DOCK8: variants seen among roughly 807,000 people sequenced by gnomAD.
DOCK8 encodes dedicator of cytokinesis 8.
Under a neutral mutation model 245.6 loss-of-function variants are expected in DOCK8, and 141 were observed. The ratio of observed to expected loss-of-function variants is 0.57; its 90% CI spans 0.50 to 0.66. The LOEUF (loss-of-function observed/expected upper bound fraction) is 0.66, where lower values mean the gene tolerates loss of function less well. Among genes scored for constraint, DOCK8 ranks in the 30% least tolerant of loss-of-function variants. DOCK8 has a pLI of 0.00. For missense variants in DOCK8, 2,965 were observed against 2,603.4 expected, an observed-to-expected ratio of 1.14 and a Z score of -3.02; for synonymous variants, 1,168 against 970.2, an observed-to-expected ratio of 1.20 and a Z score of -3.79.
In DOCK8 at chr9:434,769, C is replaced by T. The variant is rs533117278; in HGVS notation, c.4887-14C>T. On this transcript the variant is annotated splice_polypyrimidine_tract_variant and intron_variant, in intron 38 of 47. Transcript: ENST00000432829. The stretch of plus-strand genomic sequence containing the variant: ...ACTGTCCTCAAAACTACTTCTCACT[C>T]AATCTGTCTTCAGAATTGCCAAGAG... The T allele has an allele frequency of 6.2e-7, 1 of 1,613,720 alleles. No individual in the cohort carries two copies. The highest frequency in any genetic ancestry group is 8.5e-7 in the Non-Finnish European group (1 of 1,179,962).
chr9:305,285 C>T (rs112723870), intron 5 of DOCK8, among the ~76,000 whole-genome samples: 4,129 of 145,450 alleles, frequency 0.028, 100 homozygotes, highest in South Asian at 0.058. Flanking sequence ...TATTCTTTTT[C>T]TTTTTTTTTT....
intron 18 of DOCK8, among the ~76,000 whole-genome samples, chr9:374,451 GTGTTTTTTTTT>G (rs1451854312): frequency 1.2e-5 from 1 of 83,594 alleles, no homozygotes; most frequent in Non-Finnish European, 2.4e-5. Flanking sequence ...TGGTCCTTTT[GTGTTTTTTTTT>G]TTTTTTTTTT....
chr9:294,783 T>C (rs2049184583), intron 4 of DOCK8, among the ~76,000 whole-genome samples: 1 of 152,352 alleles, frequency 6.6e-6, no homozygotes. Flanking sequence ...TACAATGGAA[T>C]ACTACTCAGC....
At chr9:360,801 G>C (rs371909381) in intron 14 of DOCK8, among the ~76,000 whole-genome samples, 1 of 152,110 alleles carries the variant, frequency 6.6e-6, no homozygotes. Context: ...TCAAGCACTT[G>C]GTAACTGGTA....
In DOCK8 at chr9:393,151, A is replaced by G. The variant is rs1032881502; in HGVS notation, c.2970+2585A>G. Among the ~76,000 whole-genome samples the G allele has an allele frequency of 3.8e-4, 57 of 151,110 alleles. 1 individual carries two copies. Among genetic ancestry groups the G allele is most frequent in the African/African-American group, 1.3e-3 (55 of 41,084 alleles). The stretch of plus-strand genomic sequence containing the variant: ...AGAAGATTCACTTGAGTCATAATCC[A>G]GCTATGGATAATTCATACAAATAAT... On this transcript the variant is annotated intron_variant, in intron 24 of 47. Coordinates refer to ENST00000432829, the MANE Select transcript of DOCK8 (RefSeq NM_203447.4).
chr9:323,719 A>T (rs2050628241), intron 7 of DOCK8, among the ~76,000 whole-genome samples: 1 of 152,044 alleles, frequency 6.6e-6, no homozygotes, highest in South Asian at 2.1e-4. Context: ...GCCTCTATGA[A>T]TTTTACTACT....
intron 2 of DOCK8, chr9:272,789 G>A (rs1287429272): frequency 6.6e-6 from 1 of 152,144 alleles, no homozygotes; most frequent in Non-Finnish European, 1.5e-5. Context: ...TATTATTTGA[G>A]CACTAAATGC....
intron 1 of DOCK8, among the ~76,000 whole-genome samples, chr9:264,941 TTTA>T (rs2048002961): frequency 6.6e-6 from 1 of 152,222 alleles, no homozygotes; most frequent in Non-Finnish European, 1.5e-5. Flanking sequence ...TATTTATTTA[TTTA>T]TTTTGAGACA....
rs2049170700 is a variant in DOCK8, at chr9:294,413, C to T, written c.404+4832C>T. On this transcript the variant is annotated intron_variant, in intron 4 of 47. Transcript: ENST00000432829. Reference sequence around the variant, plus strand: ...AACTGGGCATTAAACTGGCGTGTTCCCATATTCTTGCCAGTGCTGGATATT... The same window carrying T: ...AACTGGGCATTAAACTGGCGTGTTCTCATATTCTTGCCAGTGCTGGATATT... Among the ~76,000 whole-genome samples the T allele has an allele frequency of 2.6e-5, 4 of 152,288 alleles. No individual in the cohort carries two copies. The East Asian group carries it at 7.7e-4, about 29-fold the overall frequency.
intron 11 of DOCK8, among the ~76,000 whole-genome samples, chr9:335,335 T>A (rs938354408): frequency 3.9e-5 from 6 of 152,218 alleles, no homozygotes; most frequent in Non-Finnish European, 8.8e-5. Context: ...GTGGGGTTTC[T>A]CTTTCCCTAA....
chr9:259,674 C>A (rs561848366), intron 1 of DOCK8, among the ~76,000 whole-genome samples: 1 of 152,326 alleles, frequency 6.6e-6, no homozygotes, highest in East Asian at 1.9e-4. Flanking sequence ...TTTCTGTTTT[C>A]ACACACAAAA....
rs1564017193 is a variant in DOCK8 at position 400,995 on chromosome 9, C to CACCACCACCTCCACCAT, written c.3234+1736_3234+1737insACCACCACCTCCACCAT. Among the ~76,000 whole-genome samples, 18 of 54,638 alleles carry CACCACCACCTCCACCAT rather than the reference C, an allele frequency of 3.3e-4. 2 individuals are homozygous for CACCACCACCTCCACCAT. The highest frequency in any genetic ancestry group is 4.6e-4 in the Non-Finnish European group (16 of 34,742). The allele number at this position is 54,638 out of a possible 152,430, so 35.8% of individuals were successfully genotyped here. On this transcript the variant is annotated intron_variant, in intron 26 of 47. Transcript: ENST00000432829. ...TCCACCATCACCACCTCCTCCACCACCACCACCATTAGCTCCACCATGACC... is the reference window on the plus strand; with the variant it reads ...TCCACCATCACCACCTCCTCCACCACACCACCACCTCCACCATCACCACCATTAGCTCCACCATGACC...
At position 309,633 on chromosome 9, in the gene DOCK8, C is replaced by T. The variant is rs183488789; in HGVS notation, c.529-2321C>T. 5.9e-5 allele frequency among the ~76,000 whole-genome samples: 9 copies of T among 152,204 alleles called. No individual in the cohort carries two copies. In the East Asian group the frequency reaches 7.7e-4, roughly 13 times the overall value. ...TTAAGGTTGTTTTCTTAAAGCACACCGCAGCCAAAAGTGGACACAGCTTGA... is the reference window on the plus strand; with the variant it reads ...TTAAGGTTGTTTTCTTAAAGCACACTGCAGCCAAAAGTGGACACAGCTTGA... On this transcript the variant is annotated intron_variant, in intron 5 of 47. Coordinates refer to ENST00000432829, the MANE Select transcript of DOCK8 (RefSeq NM_203447.4).
rs774602558 is a variant in DOCK8, at chr9:433,876, T to A, written c.4787T>A (p.Val1596Glu). The stretch of plus-strand genomic sequence containing the variant: ...TTTTGAGGCTTACACTTTTTGCAGG[T>A]GGAGGAACTTCTCTGTAATCTGAAT... Reference protein sequence around the residue: ...AMQMTPFPTQVEELLCNLNSI... With the variant: ...AMQMTPFPTQEEELLCNLNSI... Residue 1596 changes from valine to glutamate, a missense_variant and splice_region_variant, in exon 38 of 48, where the codon GTG becomes GAG. By Grantham distance (121) the Val-to-Glu change is moderately radical. This residue lies in a region of DOCK8 where 2,825 missense variants were observed against 2,453.5 expected (regional missense o/e 1.15). Transcript: ENST00000432829. The A allele has an allele frequency of 1.2e-6, 2 of 1,613,192 alleles. No homozygotes were observed. The highest frequency in any genetic ancestry group is 1.7e-6 in the Non-Finnish European group (2 of 1,179,140).
chr9:291,904 A>C (rs2049055812), intron 4 of DOCK8, among the ~76,000 whole-genome samples: 1 of 151,446 alleles, frequency 6.6e-6, no homozygotes, highest in Non-Finnish European at 1.5e-5. Context: ...CCACCTCTAA[A>C]AAAATTTTTT....
intron 14 of DOCK8, among the ~76,000 whole-genome samples, chr9:350,298 G>C (rs2052098892): frequency 6.6e-6 from 1 of 152,170 alleles, no homozygotes. Context: ...CTTTTCTAGA[G>C]ACAAGGTCTC....
Position 371,538 on chromosome 9 carries a change from C to A in DOCK8, c.1979C>A (p.Ala660Asp), listed in dbSNP as rs550289472. 9.0e-5 allele frequency: 146 copies of A among 1,614,192 alleles called. 1 individual carries two copies. In the South Asian group the frequency reaches 1.5e-3, roughly 17 times the overall value. The change falls in exon 17 of 48, where the codon GCC becomes GAC. Residue 660 changes from alanine (A) to aspartate (D), a missense_variant. This residue lies in a region of DOCK8 where 2,825 missense variants were observed against 2,453.5 expected (regional missense o/e 1.15). Transcript: ENST00000432829. ...YHISCQQKQG[A>D]SVETLLGYSW... is the part of the protein sequence containing the mutation. The stretch of plus-strand genomic sequence containing the variant: ...ATCAGCTGTCAGCAGAAGCAAGGAG[C>A]CTCCGTGGAAACTCTCCTGGGATAT...
intron 2 of DOCK8, among the ~76,000 whole-genome samples, chr9:279,052 A>G (rs1443363909): frequency 6.6e-6 from 1 of 152,204 alleles, no homozygotes; most frequent in Non-Finnish European, 1.5e-5. Context: ...GAAAGTGAGA[A>G]GTATTCTGGA....
chr9:373,314 A>G (rs756103302), intron 18 of DOCK8, among the ~76,000 whole-genome samples: 1 of 152,198 alleles, frequency 6.6e-6, no homozygotes, highest in African/African-American at 2.4e-5. Flanking sequence ...CGGACATCAT[A>G]TTTCATTTTA....
Sources: gnomAD v4.1 joint callset for allele counts (sites outside exome capture counted in the v4.1 genomes callset) on GRCh38, gnomAD v4.1.1 for gene constraint, gnomAD v4.1.1 regional missense constraint, MANE v1.5 for transcripts, NCBI Gene and HGNC (gene_info 2026-07-23, HGNC 2026-07-21) for gene names.